Variants in ASDURF observed in about 807,000 individuals in gnomAD.
The protein encoded by ASDURF is ASDURF protein.
In ASDURF, 3 loss-of-function variants were observed where a neutral mutation model predicts 3.3. The observed-to-expected ratio is 0.92, with a 90% CI of 0.42 to 2.37. ASDURF has a LOEUF of 2.37. ASDURF is among the 30% of genes most tolerant of loss of function. The pLI is 0.05. For synonymous variants in ASDURF, 11 were observed against 8.3 expected (o/e 1.32, Z -0.55); for missense variants, 23 against 25.4 (o/e 0.90, Z 0.21).
chr2:189,666,304 G>T lies in ASDURF; in HGVS notation c.*193G>T. The T allele has an allele frequency of 6.2e-7, 1 of 1,613,956 alleles. No individual in the cohort carries two copies. The highest frequency in any genetic ancestry group is 8.5e-7 in the Non-Finnish European group (1 of 1,179,934). ...TTCTGCTCACGTCCTACACTTGAGG[G>T]GTGTTTTGACTACCCAGCCTGTGGA... is the stretch of plus-strand genomic sequence containing the variant. On this transcript the variant is annotated 3_prime_UTR_variant, in exon 4 of 4. Transcript: ENST00000607829.
Position 189,663,903 on chromosome 2 carries a change from T to G in ASDURF, c.93T>G (p.Ile31Met), listed in dbSNP as rs957440882. ...TPHKEDLSSK[I>M]KEQKIVVDEL... is the part of the protein sequence containing the mutation. ...GGAGTTTTTCTTTATTTCAATAGAT[T>G]AAAGAACAAAAAATTGTGGTGGATG... The change falls in exon 2 of 4, where the codon ATT (isoleucine) becomes ATG (methionine). Residue 31 changes from isoleucine to methionine, a missense_variant and splice_region_variant. Physicochemically the swap from Ile to Met is conservative, Grantham distance 10. Transcript: ENST00000607829. 2.6e-6 allele frequency: 1 copy of G among 387,962 alleles called. No homozygotes were observed. Among genetic ancestry groups the G allele is most frequent in the East Asian group, 3.6e-5 (1 of 27,626 alleles). The allele number at this position is 387,962 out of a possible 1,614,324, so 24.0% of individuals were successfully genotyped here.
At chr2:189,663,239 A>ATT (rs1306867009) in intron 1 of ASDURF, among the ~76,000 whole-genome samples, 3 of 146,350 alleles carry the variant, frequency 2.0e-5, no homozygotes, top group African/African-American at 7.6e-5. Flanking sequence ...ATATATATAT[A>ATT]TTTTTTAAAT....
chr2:189,665,079 A>G (rs1475891181), intron 2 of ASDURF, among the ~76,000 whole-genome samples: 2 of 152,228 alleles, frequency 1.3e-5, no homozygotes, highest in African/African-American at 4.8e-5. Context: ...TTCTTGTAAA[A>G]GAACACTTAC....
chr2:189,664,350 T>TC (rs2032739142), intron 2 of ASDURF, among the ~76,000 whole-genome samples: 1 of 152,218 alleles, frequency 6.6e-6, no homozygotes, highest in Non-Finnish European at 1.5e-5. Flanking sequence ...ATACATTGCT[T>TC]CCCCTCCCTC....
chr2:189,663,236 TA>T (rs140996014), intron 1 of ASDURF, among the ~76,000 whole-genome samples: 13,513 of 150,938 alleles, frequency 0.09, 994 homozygotes, highest in African/African-American at 0.2. Flanking sequence ...ATCATATATA[TA>T]TATTTTTTAA....
chr2:189,666,003 TTA>T, intron 3 of ASDURF, 36 bp from the exon 4 acceptor site: 3 of 1,078,564 alleles, frequency 2.8e-6, no homozygotes, highest in Non-Finnish European at 1.3e-6. Context: ...CCAAGAATTT[TTA>T]TGTTATTTAA....
intron 1 of ASDURF, among the ~76,000 whole-genome samples, chr2:189,663,529 A>G (rs1005883412): frequency 2.0e-5 from 3 of 152,206 alleles, no homozygotes; most frequent in Non-Finnish European, 4.4e-5. Context: ...CTGGGATTAC[A>G]GGCATGAGCC....
chr2:189,662,366 G>A (rs1574275554), intron 1 of ASDURF, among the ~76,000 whole-genome samples: 1 of 152,304 alleles, frequency 6.6e-6, no homozygotes, highest in African/African-American at 2.4e-5. Flanking sequence ...ATGACATCTT[G>A]GGCAAGTCTC....
In ASDURF at chr2:189,663,883, TTTTC is replaced by T. The variant is rs2032728651; in HGVS notation, c.91-14_91-11del. On this transcript the variant is annotated splice_polypyrimidine_tract_variant and intron_variant, in intron 1 of 3. Transcript: ENST00000607829. The stretch of plus-strand genomic sequence containing the variant: ...TTTGAAAACATCTGACTTAAGGAGT[TTTTC>T]TTTATTTCAATAGATTAAAGAACAA... 5.2e-6 allele frequency: 2 copies of T among 386,438 alleles called. No individual in the cohort carries two copies. The highest frequency in any genetic ancestry group is 2.6e-4 in the South Asian group (2 of 7,712). 23.9% of individuals were successfully genotyped at this position (386,438 alleles called of 1,614,324 possible).
chr2:189,664,864 G>A (rs1184677703), intron 2 of ASDURF, among the ~76,000 whole-genome samples: 1 of 152,134 alleles, frequency 6.6e-6, no homozygotes, highest in African/African-American at 2.4e-5. Flanking sequence ...TCCATTTATA[G>A]TAGTTGATAC....
chr2:189,665,719 C>G (rs764840244), intron 3 of ASDURF, among the ~76,000 whole-genome samples: 30 of 148,188 alleles, frequency 2.0e-4, no homozygotes, highest in Middle Eastern at 3.6e-3. Flanking sequence ...GTATGACAAA[C>G]CATTACCACT....
At chr2:189,662,304 C>T (rs1046547480) in intron 1 of ASDURF, among the ~76,000 whole-genome samples, 3 of 152,200 alleles carry the variant, frequency 2.0e-5, no homozygotes, top group Non-Finnish European at 2.9e-5. Context: ...GGTTATAGCC[C>T]TTCAGGTATT....
At chr2:189,662,822 G>T (rs1485483852) in intron 1 of ASDURF, among the ~76,000 whole-genome samples, 1 of 151,952 alleles carries the variant, frequency 6.6e-6, no homozygotes, top group Non-Finnish European at 1.5e-5. Context: ...GGTGGCCCAG[G>T]CCTGTAGTCC....
chr2:189,666,095 C>T lies in ASDURF; in HGVS notation c.275C>T (p.Thr92Ile). Reference sequence around the variant, plus strand: ...CAAGAAATAGAAAACTTAGACAAGACCAAAATCAAGAAATAGTCAACCTGA... The same window carrying T: ...CAAGAAATAGAAAACTTAGACAAGATCAAAATCAAGAAATAGTCAACCTGA... Reference protein sequence around the residue: ...EYQEIENLDKTKIKK With the variant: ...EYQEIENLDKIKIKK The change falls in exon 4 of 4, where the codon ACC becomes ATC. Residue 92 changes from threonine to isoleucine, a missense_variant. Physicochemically the swap from Thr to Ile is moderately conservative, Grantham distance 89. Coordinates refer to ENST00000607829, the MANE Select transcript of ASDURF (RefSeq NM_001353493.2). The T allele has an allele frequency of 2.7e-6, 4 of 1,490,652 alleles. No homozygotes were observed. Among genetic ancestry groups the T allele is most frequent in the Non-Finnish European group, 3.6e-6 (4 of 1,123,264 alleles). 92.3% of individuals were successfully genotyped at this position (1,490,652 alleles called of 1,614,324 possible).
chr2:189,663,153 A>G (rs532090086), intron 1 of ASDURF, among the ~76,000 whole-genome samples: 2 of 152,002 alleles, frequency 1.3e-5, no homozygotes, highest in South Asian at 4.2e-4. Context: ...CCCTCATTCA[A>G]TTTGCTTTTT....
At chr2:189,665,608 A>ATG (rs2032775042) in intron 3 of ASDURF, among the ~76,000 whole-genome samples, 157 bp downstream of exon 3, 1 of 13,382 alleles carries the variant, frequency 7.5e-5, no homozygotes, top group African/African-American at 1.4e-4. Context: ...GTATATATAT[A>ATG]TATATATATA....
Position 189,663,340 on chromosome 2 carries a change from G to A in ASDURF, c.91-561G>A, listed in dbSNP as rs554861901. Reference sequence around the variant, plus strand: ...GCAATCTTGGCTCACTGCAGCCTCCGCCTCCCGGGTTCAAGCAGTTCTCCT... The same window carrying A: ...GCAATCTTGGCTCACTGCAGCCTCCACCTCCCGGGTTCAAGCAGTTCTCCT... On this transcript the variant is annotated intron_variant, in intron 1 of 3. Transcript: ENST00000607829. 2.6e-3 allele frequency among the ~76,000 whole-genome samples: 399 copies of A among 152,030 alleles called. 4 individuals are homozygous for A. Among genetic ancestry groups the A allele is most frequent in the African/African-American group, 9.1e-3 (379 of 41,470 alleles).
Position 189,666,384 on chromosome 2 carries a change from G to A in ASDURF, c.*273G>A. 1 of 1,613,974 alleles carries A rather than the reference G, an allele frequency of 6.2e-7. No individual in the cohort carries two copies. Among genetic ancestry groups the A allele is most frequent in the Non-Finnish European group, 8.5e-7 (1 of 1,179,952 alleles). The stretch of plus-strand genomic sequence containing the variant: ...ATGGAGAAATTTTTAGTGGAATAAA[G>A]GTTGAAGCTGAAGAGAATGACACTC... On this transcript the variant is annotated 3_prime_UTR_variant, in exon 4 of 4. Transcript: ENST00000607829.
Position 189,665,463 on chromosome 2 carries a change from CTTTTTTGGG to C in ASDURF, c.220+13_220+21del, listed in dbSNP as rs2032763682. On this transcript the variant is annotated intron_variant, in intron 3 of 3. Coordinates refer to ENST00000607829, the MANE Select transcript of ASDURF (RefSeq NM_001353493.2). ...GTCTGAGAGCAAGAGTAAGTTTTTT[CTTTTTTGGG>C]GTTTTTGGGGGGTGCCTAAATTATA... is the stretch of plus-strand genomic sequence containing the variant. The C allele has an allele frequency of 2.5e-6, 1 of 396,830 alleles. No individual in the cohort carries two copies. Among genetic ancestry groups the C allele is most frequent in the Admixed American group, 4.4e-5 (1 of 22,562 alleles). 24.6% of individuals were successfully genotyped at this position (396,830 alleles called of 1,614,324 possible).
Sources: gnomAD v4.1 joint callset for allele counts (sites outside exome capture counted in the v4.1 genomes callset) on GRCh38, gnomAD v4.1.1 for gene constraint, MANE v1.5 for transcripts, NCBI Gene and HGNC (gene_info 2026-07-23, HGNC 2026-07-21) for gene names.